MRRF: variants seen among roughly 807,000 people sequenced by gnomAD.
The protein encoded by MRRF is ribosome-recycling factor, mitochondrial.
MRRF carries 18 observed loss-of-function variants against 25.1 expected under a neutral mutation model. The ratio of observed to expected loss-of-function variants is 0.72; its 90% CI spans 0.50 to 1.06. The LOEUF is 1.06. MRRF is among the 50% of genes least tolerant of loss of function. The pLI, the probability that MRRF is intolerant of heterozygous loss-of-function variation, is 0.00. For missense variants in MRRF, 323 were observed against 319.3 expected (o/e 1.01, Z -0.09); for synonymous variants, 113 against 112.1 (o/e 1.01, Z -0.05).
intron 2 of MRRF, among the ~76,000 whole-genome samples, chr9:122,278,606 A>T (rs1411689834): frequency 6.6e-6 from 1 of 152,258 alleles, no homozygotes; most frequent in African/African-American, 2.4e-5. Context: ...AAATATTACT[A>T]TTCATTCCAA....
chr9:122,284,926 T>A (rs2118732881), intron 3 of MRRF, among the ~76,000 whole-genome samples: 1 of 152,308 alleles, frequency 6.6e-6, no homozygotes, highest in East Asian at 1.9e-4. Flanking sequence ...TAGCTCATCT[T>A]CCAGGCACAT....
In MRRF at chr9:122,327,329, C is replaced by T. The variant is rs1415718756; in HGVS notation, c.*4712C>T. 1 of 152,156 alleles carries T rather than the reference C, an allele frequency of 6.6e-6. No individual in the cohort carries two copies. The highest frequency in any genetic ancestry group is 6.5e-5 in the Admixed American group (1 of 15,282). 9.4% of individuals were successfully genotyped at this position (152,156 alleles called of 1,614,324 possible). A position where few individuals can be genotyped will look rare whatever the true frequency, so the allele number is the denominator to read the frequency against. ...TGCTTGGTGCTTTTTAGTTTTCAAACTGCTTCTACATTCTTTGTTGCATTG... is the reference window on the plus strand; with the variant it reads ...TGCTTGGTGCTTTTTAGTTTTCAAATTGCTTCTACATTCTTTGTTGCATTG... On this transcript the variant is annotated 3_prime_UTR_variant, in exon 7 of 7. Transcript: ENST00000344641.
chr9:122,304,062 AACACACACACACACAC>A (rs66775611), intron 5 of MRRF, among the ~76,000 whole-genome samples: 10 of 139,806 alleles, frequency 7.2e-5, no homozygotes, highest in Admixed American at 1.4e-4. Flanking sequence ...ACCCTTTTCT[AACACACACACACACAC>A]ACACACACAC....
intron 3 of MRRF, among the ~76,000 whole-genome samples, chr9:122,283,026 A>T (rs1833173169): frequency 6.6e-6 from 1 of 152,162 alleles, no homozygotes; most frequent in South Asian, 2.1e-4. Context: ...AGTGGGACAC[A>T]GTTTAAATGC....
intron 1 of MRRF, chr9:122,265,604 G>C (rs77508234): frequency 7.7e-4 from 333 of 431,016 alleles, no homozygotes; most frequent in African/African-American, 6.5e-3. Context: ...ATTTTGGAAA[G>C]CTTTATAGTT....
Position 122,312,720 on chromosome 9 carries a change from C to T in MRRF, c.552-507C>T, listed in dbSNP as rs112471670. On this transcript the variant is annotated intron_variant, in intron 5 of 6. Coordinates refer to ENST00000344641, the MANE Select transcript of MRRF (RefSeq NM_138777.5). ...GGCCTCATTTTCTTCATCTGTAAAA[C>T]GTGGTTCGTGACCTTGCAAGACTGT... 3.0e-3 allele frequency among the ~76,000 whole-genome samples: 464 copies of T among 152,310 alleles called. 5 individuals are homozygous for T. The highest frequency in any genetic ancestry group is 0.01 in the African/African-American group (423 of 41,562).
Position 122,330,435 on chromosome 9 carries a change from A to G in MRRF, c.*7818A>G, listed in dbSNP as rs1588102441. 1 of 152,214 alleles carries G rather than the reference A, an allele frequency of 6.6e-6. No homozygotes were observed. Among genetic ancestry groups the G allele is most frequent in the African/African-American group, 2.4e-5 (1 of 41,434 alleles). The allele number at this position is 152,214 out of a possible 1,614,324, so 9.4% of individuals were successfully genotyped here. A position where few individuals can be genotyped will look rare whatever the true frequency, so the allele number is the denominator to read the frequency against. Reference sequence around the variant, plus strand: ...GGAGGGCAGGGCAAAAGTCCCTGCTATTCTCTTCCTTTCCTGGCTCAGGCC... The same window carrying G: ...GGAGGGCAGGGCAAAAGTCCCTGCTGTTCTCTTCCTTTCCTGGCTCAGGCC... On this transcript the variant is annotated 3_prime_UTR_variant, in exon 7 of 7. Coordinates refer to ENST00000344641, the MANE Select transcript of MRRF (RefSeq NM_138777.5). The surrounding 1 kb of genome is among the most constrained non-coding windows in gnomAD (Gnocchi z 4.2).
At chr9:122,277,318 G>C (rs1466618127) in intron 2 of MRRF, among the ~76,000 whole-genome samples, 1 of 151,950 alleles carries the variant, frequency 6.6e-6, no homozygotes, top group Non-Finnish European at 1.5e-5. Flanking sequence ...TTTTTTGTTT[G>C]ATGATAATGT....
At chr9:122,321,630 T>TA (rs1256386443) in intron 6 of MRRF, among the ~76,000 whole-genome samples, 2 of 152,202 alleles carry the variant, frequency 1.3e-5, no homozygotes, top group African/African-American at 4.8e-5. Context: ...ATATTGTAAT[T>TA]AAAAACCACA....
intron 3 of MRRF, among the ~76,000 whole-genome samples, chr9:122,281,464 C>T (rs1010068595): frequency 6.6e-6 from 1 of 152,182 alleles, no homozygotes; most frequent in Non-Finnish European, 1.5e-5. Flanking sequence ...CTTATAAACA[C>T]TATCAGAAAC....
At chr9:122,274,495 G>A (rs544960894) in intron 2 of MRRF, among the ~76,000 whole-genome samples, 23 of 151,592 alleles carry the variant, frequency 1.5e-4, no homozygotes, top group Middle Eastern at 3.4e-3. Flanking sequence ...GGCCCCTTGC[G>A]TGTTTGATAG....
chr9:122,265,600 G>T, intron 1 of MRRF: 1 of 405,172 alleles, frequency 2.5e-6, no homozygotes, highest in South Asian at 1.9e-5. Context: ...CCCCATTTTG[G>T]AAAGCTTTAT....
intron 5 of MRRF, among the ~76,000 whole-genome samples, chr9:122,299,301 G>A (rs186686174): frequency 1.6e-3 from 250 of 151,892 alleles, no homozygotes; most frequent in South Asian, 4.2e-3. Flanking sequence ...TTTTAGTAGA[G>A]ATGGGATTTC....
chr9:122,270,075 A>G (rs762194051), intron 1 of MRRF, among the ~76,000 whole-genome samples: 2 of 152,224 alleles, frequency 1.3e-5, no homozygotes, highest in Admixed American at 6.5e-5. Flanking sequence ...CTGTTACTCA[A>G]AGGAAACAGC....
intron 4 of MRRF, among the ~76,000 whole-genome samples, chr9:122,289,481 G>T (rs574681350): frequency 6.6e-6 from 1 of 152,134 alleles, no homozygotes; most frequent in African/African-American, 2.4e-5. Context: ...GTGATGGGGT[G>T]TTACAGTAGT....
intron 2 of MRRF, among the ~76,000 whole-genome samples, chr9:122,275,575 T>C (rs1165800738): frequency 6.6e-6 from 1 of 152,186 alleles, no homozygotes; most frequent in East Asian, 1.9e-4. Context: ...GGTTGAGGCC[T>C]GTAGTGAGCT....
In MRRF at chr9:122,327,076, A is replaced by C. The variant is rs1836163448; in HGVS notation, c.*4459A>C. ...TCTTGCTTTCATAAAACACATAGCA[A>C]GCTGTTCCTAATTAATGACTGCAAG... On this transcript the variant is annotated 3_prime_UTR_variant, in exon 7 of 7. Transcript: ENST00000344641. 1 of 152,220 alleles carries C rather than the reference A, an allele frequency of 6.6e-6. No individual in the cohort carries two copies. Among genetic ancestry groups the C allele is most frequent in the Non-Finnish European group, 1.5e-5 (1 of 68,038 alleles). The allele number at this position is 152,220 out of a possible 1,614,324, so 9.4% of individuals were successfully genotyped here.
At chr9:122,275,824 G>A (rs1300145310) in intron 2 of MRRF, among the ~76,000 whole-genome samples, 1 of 152,102 alleles carries the variant, frequency 6.6e-6, no homozygotes, top group Non-Finnish European at 1.5e-5. Context: ...ACCCATACAT[G>A]CACCCACATC....
intron 5 of MRRF, among the ~76,000 whole-genome samples, chr9:122,297,227 T>C (rs1002897813): frequency 6.6e-6 from 1 of 152,182 alleles, no homozygotes; most frequent in Admixed American, 6.5e-5. Context: ...GTGAATCGCT[T>C]GAACCCGGGA....
Sources: gnomAD v4.1 joint callset for allele counts (sites outside exome capture counted in the v4.1 genomes callset) on GRCh38, gnomAD v4.1.1 for gene constraint, Gnocchi (gnomAD v3.1) non-coding constraint, MANE v1.5 for transcripts, NCBI Gene and HGNC (gene_info 2026-07-23, HGNC 2026-07-21) for gene names.